The following PSD3 variants were observed in gnomAD, a reference collection of about 807,000 sequenced individuals.
PSD3 encodes the protein PH and SEC7 domain-containing protein 3.
PSD3 carries 49 observed loss-of-function variants against 105.5 expected under a neutral mutation model. The ratio of observed to expected loss-of-function variants is 0.46; its 90% confidence interval spans 0.37 to 0.59. The LOEUF (loss-of-function observed/expected upper bound fraction) is 0.59, where lower values mean the gene tolerates loss of function less well. Among genes scored for constraint, PSD3 ranks in the 20% least tolerant of loss-of-function variants. PSD3 has a pLI of 0.00. For missense variants in PSD3, 1,561 were observed against 1,263.8 expected, an observed-to-expected ratio of 1.24 and a Z score of -3.57; for synonymous variants, 557 against 457.8, an observed-to-expected ratio of 1.22 and a Z score of -2.77.
At chr8:18,665,084 C>A (rs958871272) in intron 9 of PSD3, among the ~76,000 whole-genome samples, 1 of 152,174 alleles carries the variant, frequency 6.6e-6, no homozygotes. Flanking sequence ...AACATCCATT[C>A]CGTAGACCAT....
At chr8:18,610,568 A>G (rs932854024) in intron 11 of PSD3, among the ~76,000 whole-genome samples, 1 of 152,232 alleles carries the variant, frequency 6.6e-6, no homozygotes, top group South Asian at 2.1e-4. Context: ...TCATTGCTCA[A>G]TTAAACTCCT....
At position 19,083,028 on chromosome 8, in the gene PSD3, C is replaced by T. The variant is rs143704851; in HGVS notation, c.324+1178G>A. On this transcript the variant is annotated intron_variant, in intron 1 of 1. Transcript: ENST00000521475. ...AGGAGAGGGCATGGTGTTTGGATGA[C>T]GCAGTACCCCCTCTAAGCCCATGGG... 5.5e-4 allele frequency among the ~76,000 whole-genome samples: 84 copies of T among 152,208 alleles called. No homozygotes were observed. In the East Asian group the frequency reaches 8.4e-3, roughly 15 times the overall value.
intron 9 of PSD3, 79 bp downstream of exon 9, chr8:18,765,370 C>A (rs191174358): frequency 1.0e-3 from 1,305 of 1,288,550 alleles, no homozygotes; most frequent in Non-Finnish European, 1.3e-3. Context: ...TTAAGTGATC[C>A]TTAGCCTACT....
chr8:18,700,603 G>A (rs748372439), intron 9 of PSD3, among the ~76,000 whole-genome samples: 14 of 152,146 alleles, frequency 9.2e-5, no homozygotes, highest in Non-Finnish European at 4.4e-5. Flanking sequence ...GACATACTGG[G>A]GGAAAACCAG....
intron 8 of PSD3, among the ~76,000 whole-genome samples, chr8:18,788,007 T>A (rs1040914636): frequency 2.6e-5 from 4 of 152,172 alleles, no homozygotes; most frequent in Non-Finnish European, 5.9e-5. Context: ...AACACTATAA[T>A]TGGTGTGAAG....
intron 9 of PSD3, chr8:18,683,716 C>T: frequency 1.3e-6 from 1 of 745,940 alleles, no homozygotes; most frequent in East Asian, 2.4e-5. Flanking sequence ...CAAAGACTAT[C>T]CAATTCTGTT....
intron 2 of PSD3, among the ~76,000 whole-genome samples, chr8:18,925,975 TGGCAGAGGAAGAC>T (rs1396384302): frequency 6.6e-6 from 1 of 152,212 alleles, no homozygotes; most frequent in African/African-American, 2.4e-5. Flanking sequence ...AAACACAGCA[TGGCAGAGGAAGAC>T]GGAAAGCCTA....
chr8:19,041,679 A>C (rs1372533598), intron 1 of PSD3, among the ~76,000 whole-genome samples: 1 of 152,230 alleles, frequency 6.6e-6, no homozygotes, highest in Non-Finnish European at 1.5e-5. Flanking sequence ...AACACATTGG[A>C]CTACGCCCAG....
chr8:18,866,340 A>G (rs981533287), intron 4 of PSD3, among the ~76,000 whole-genome samples: 1 of 152,162 alleles, frequency 6.6e-6, no homozygotes, highest in Non-Finnish European at 1.5e-5. Context: ...AGAAGTCTAG[A>G]TGTGGACTAA....
rs144638320 is a variant in PSD3, at chr8:18,796,100, C to G, written c.2082+3195G>C. Among the ~76,000 whole-genome samples, 837 of 152,202 alleles carry G rather than the reference C, an allele frequency of 5.5e-3. 26 individuals carry two copies. The highest frequency in any genetic ancestry group is 0.037 in the Admixed American group (572 of 15,272). On this transcript the variant is annotated intron_variant, in intron 8 of 15. Coordinates refer to ENST00000327040, the MANE Select transcript of PSD3 (RefSeq NM_015310.4). ...TAAACTACTTGCAGACAAGTAAAAA[C>G]AAGTAGATACTCTTGCTAGGAAAAT...
intron 2 of PSD3, among the ~76,000 whole-genome samples, chr8:18,885,174 T>C (rs1407091410): frequency 1.3e-5 from 2 of 152,218 alleles, no homozygotes; most frequent in African/African-American, 2.4e-5. Flanking sequence ...TGATCAGGGA[T>C]GCCCCTCTGA....
At chr8:18,795,305 T>A (rs969963048) in intron 8 of PSD3, among the ~76,000 whole-genome samples, 1 of 152,104 alleles carries the variant, frequency 6.6e-6, no homozygotes, top group Non-Finnish European at 1.5e-5. Flanking sequence ...GGGTAAAGTA[T>A]ATGTAGGAGG....
At chr8:18,836,883 C>A (rs905999544) in intron 4 of PSD3, among the ~76,000 whole-genome samples, 1 of 147,384 alleles carries the variant, frequency 6.8e-6, no homozygotes, top group African/African-American at 2.5e-5. Context: ...TGGTTTAATG[C>A]GATGTGGAAC....
intron 9 of PSD3, among the ~76,000 whole-genome samples, chr8:18,677,739 C>G (rs561780525): frequency 6.6e-6 from 1 of 152,142 alleles, no homozygotes; most frequent in Admixed American, 6.5e-5. Flanking sequence ...TGACTGGGCA[C>G]GGTGGCTTAC....
intron 4 of PSD3, among the ~76,000 whole-genome samples, chr8:18,828,781 C>CA (rs1202838788): frequency 2.6e-5 from 4 of 151,328 alleles, no homozygotes; most frequent in Middle Eastern, 3.2e-3. Context: ...GCCAACATGG[C>CA]AAAACCCTGT....
At chr8:18,607,455 T>C (rs1470051628) in intron 11 of PSD3, among the ~76,000 whole-genome samples, 1 of 152,118 alleles carries the variant, frequency 6.6e-6, no homozygotes, top group South Asian at 2.1e-4. Flanking sequence ...GTGGAACCTA[T>C]GACCACCTTC....
At chr8:18,949,244 AATATATATATATATATATATAT>A (rs1215845074) in intron 1 of PSD3, among the ~76,000 whole-genome samples, 1 of 14,404 alleles carries the variant, frequency 6.9e-5, no homozygotes, top group Non-Finnish European at 1.8e-4. Context: ...AAAAAAAAAA[AATATATATATATATATATATAT>A]ATATATATAT....
chr8:18,833,176 C>G (rs1813814746), intron 4 of PSD3, among the ~76,000 whole-genome samples: 1 of 152,160 alleles, frequency 6.6e-6, no homozygotes, highest in Admixed American at 6.5e-5. Context: ...GAAACTGACA[C>G]TGAGGACCAG....
chr8:18,650,533 C>A (rs1009819036), intron 10 of PSD3, among the ~76,000 whole-genome samples: 2 of 152,184 alleles, frequency 1.3e-5, no homozygotes, highest in Non-Finnish European at 2.9e-5. Context: ...GTCAATTTGA[C>A]TCACTGCACT....
Sources: gnomAD v4.1 joint callset for allele counts (sites outside exome capture counted in the v4.1 genomes callset) on GRCh38, gnomAD v4.1.1 for gene constraint, MANE v1.5 for transcripts, NCBI Gene and HGNC (gene_info 2026-07-23, HGNC 2026-07-21) for gene names.